FRG1: variants seen among roughly 807,000 people sequenced by gnomAD.
The protein encoded by FRG1 is FSHD region gene 1, also known as protein FRG1.
Under a neutral mutation model 37.0 loss-of-function variants are expected in FRG1, and 19 were observed. The ratio of observed to expected loss-of-function variants is 0.51; its 90% CI spans 0.36 to 0.75. The LOEUF (loss-of-function observed/expected upper bound fraction) is 0.75. Among genes scored for constraint, FRG1 ranks in the 30% least tolerant of loss-of-function variants. The probability of loss-of-function intolerance (pLI) is 0.00; values close to 1 mark genes in which losing one functional copy is unlikely to be tolerated. For synonymous variants in FRG1, 73 were observed against 96.5 expected, an observed-to-expected ratio of 0.76 and a Z score of 1.43; for missense variants, 243 against 301.4, an observed-to-expected ratio of 0.81 and a Z score of 1.44.
chr4:189,963,028 A>G (rs1737301767), intron 8 of FRG1, 65 bp from the exon 9 acceptor site: 16 of 1,043,222 alleles, frequency 1.5e-5, no homozygotes, highest in Non-Finnish European at 2.1e-5. Flanking sequence ...TTTTATATTT[A>G]GTAGCAGTTG....
At chr4:189,957,003 A>G (rs1194896604) in intron 5 of FRG1, among the ~76,000 whole-genome samples, 1 of 152,176 alleles carries the variant, frequency 6.6e-6, no homozygotes, top group Non-Finnish European at 1.5e-5. Flanking sequence ...TCTAATTGTG[A>G]AGAAAATAAA....
chr4:189,963,183 T>C lies in FRG1; in HGVS notation c.*54T>C, dbSNP rs1478313987. On this transcript the variant is annotated 3_prime_UTR_variant, in exon 9 of 9. Coordinates refer to ENST00000226798, the MANE Select transcript of FRG1 (RefSeq NM_004477.3). The stretch of plus-strand genomic sequence containing the variant: ...CTGTGTTTTTTTCTGAATAAAATAT[T>C]CAGAGGAAATGCTTTTACAGAGTTC... 5.6e-6 allele frequency: 8 copies of C among 1,428,092 alleles called. No individual in the cohort carries two copies. Among genetic ancestry groups the C allele is most frequent in the Non-Finnish European group, 6.9e-6 (7 of 1,015,152 alleles). The allele number at this position is 1,428,092 out of a possible 1,614,324, so 88.5% of individuals were successfully genotyped here. A position where few individuals can be genotyped will look rare whatever the true frequency, so the allele number is the denominator to read the frequency against.
At chr4:189,943,648 A>T (rs530568146) in intron 2 of FRG1, among the ~76,000 whole-genome samples, 22 of 152,368 alleles carry the variant, frequency 1.4e-4, no homozygotes, top group Non-Finnish European at 2.8e-4. Context: ...TAAAGGAAGT[A>T]TCTTCACAGG....
chr4:189,961,738 A>G, intron 7 of FRG1, 84 bp from the exon 8 acceptor site: 1 of 646,850 alleles, frequency 1.5e-6, no homozygotes, highest in South Asian at 2.1e-5. Context: ...AGTGAAAAAG[A>G]AATTAACAGT....
intron 2 of FRG1, among the ~76,000 whole-genome samples, chr4:189,944,296 C>A (rs1736436368): frequency 6.6e-6 from 1 of 152,168 alleles, no homozygotes; most frequent in African/African-American, 2.4e-5. Context: ...GCTGCCTCAG[C>A]CTCCCGAGTA....
At chr4:189,947,381 A>G (rs1038951146) in intron 2 of FRG1, among the ~76,000 whole-genome samples, 7 of 152,200 alleles carry the variant, frequency 4.6e-5, no homozygotes, top group Non-Finnish European at 7.3e-5. Context: ...TTTCATTTTC[A>G]TAACATTTTA....
rs533782499 is a variant in FRG1 at position 189,946,523 on chromosome 4, C to T, written c.133+3251C>T. 3.3e-5 allele frequency among the ~76,000 whole-genome samples: 5 copies of T among 151,628 alleles called. No homozygotes were observed. In the East Asian group the frequency reaches 9.7e-4, roughly 30 times the overall value. ...CTCCCTTTAACTTATTTTCAGTTTA[C>T]TTTGCTCTTGTTTTATTGCTTCTTA... On this transcript the variant is annotated intron_variant, in intron 2 of 8. Transcript: ENST00000226798.
At position 189,940,941 on chromosome 4, in the gene FRG1, G is replaced by A. The variant is rs1000419021; in HGVS notation, c.-69G>A. On this transcript the variant is annotated 5_prime_UTR_variant, in exon 1 of 9. The change creates a new upstream start codon in the 5' untranslated region. Transcript: ENST00000226798. ...TCCGCTTCTGTTTCTCCGCGCCCCT[G>A]TGCTGCCCCGACTCACATACTCGTC... 2.3e-6 allele frequency: 3 copies of A among 1,292,078 alleles called. No individual in the cohort carries two copies. The highest frequency in any genetic ancestry group is 1.5e-5 in the African/African-American group (1 of 65,106). The allele number at this position is 1,292,078 out of a possible 1,614,324, so 80.0% of individuals were successfully genotyped here.
chr4:189,961,636 G>A, intron 7 of FRG1, 186 bp from the exon 8 acceptor site: 1 of 427,956 alleles, frequency 2.3e-6, no homozygotes, highest in Admixed American at 4.4e-5. Context: ...TCGAACTCCT[G>A]ACCTTGAGCG....
At chr4:189,956,369 C>A (rs1356663196) in intron 5 of FRG1, among the ~76,000 whole-genome samples, 1 of 151,982 alleles carries the variant, frequency 6.6e-6, no homozygotes, top group Non-Finnish European at 1.5e-5. Context: ...TATCATAAGG[C>A]CTTAGATGAT....
intron 6 of FRG1, among the ~76,000 whole-genome samples, chr4:189,960,169 A>G (rs1737168299): frequency 6.6e-6 from 1 of 152,200 alleles, no homozygotes; most frequent in South Asian, 2.1e-4. Flanking sequence ...TACCATTGCT[A>G]ATTGCCTGTT....
At chr4:189,947,633 CA>C (rs1182585939) in intron 2 of FRG1, among the ~76,000 whole-genome samples, 2 of 152,340 alleles carry the variant, frequency 1.3e-5, no homozygotes, top group Non-Finnish European at 2.9e-5. Flanking sequence ...CTGGCATCTC[CA>C]GTCAGCCCTC....
chr4:189,947,567 C>G (rs1390128975), intron 2 of FRG1, among the ~76,000 whole-genome samples: 1 of 152,186 alleles, frequency 6.6e-6, no homozygotes, highest in Non-Finnish European at 1.5e-5. Context: ...GCCACATGTT[C>G]TAGGTATACT....
chr4:189,951,508 A>C (rs897409167), intron 2 of FRG1, among the ~76,000 whole-genome samples: 69 of 148,340 alleles, frequency 4.7e-4, no homozygotes, highest in Non-Finnish European at 8.8e-4. Context: ...AAAAAAAAAG[A>C]TTGCTATGCT....
intron 1 of FRG1, 71 bp from the exon 2 acceptor site, chr4:189,943,131 G>A (rs1736388152): frequency 2.1e-6 from 3 of 1,449,512 alleles, no homozygotes; most frequent in African/African-American, 1.4e-5. Context: ...AGACTTTCAA[G>A]TTTCAATCTT....
intron 2 of FRG1, among the ~76,000 whole-genome samples, chr4:189,946,311 CAA>C (rs34356772): frequency 2.6e-4 from 27 of 105,580 alleles, no homozygotes; most frequent in Non-Finnish European, 3.2e-4. Context: ...GCTGATAAGC[CAA>C]AAAAAAAAAA....
intron 2 of FRG1, 118 bp from the exon 3 acceptor site, chr4:189,952,044 T>C (rs76758478): frequency 1.5e-6 from 1 of 666,926 alleles, no homozygotes; most frequent in Non-Finnish European, 2.5e-6. Flanking sequence ...GTGAGATCTT[T>C]GTATTATTTC....
At chr4:189,947,376 T>C (rs1276799419) in intron 2 of FRG1, among the ~76,000 whole-genome samples, 1 of 152,250 alleles carries the variant, frequency 6.6e-6, no homozygotes, top group Non-Finnish European at 1.5e-5. Context: ...CAGTCTTTCA[T>C]TTTCATAACA....
At chr4:189,950,177 A>T (rs995338576) in intron 2 of FRG1, among the ~76,000 whole-genome samples, 1 of 152,182 alleles carries the variant, frequency 6.6e-6, no homozygotes. Context: ...CCATTTGTAT[A>T]TCATCTTTGG....
Sources: gnomAD v4.1 joint callset for allele counts (sites outside exome capture counted in the v4.1 genomes callset) on GRCh38, gnomAD v4.1.1 for gene constraint, MANE v1.5 for transcripts, NCBI Gene and HGNC (gene_info 2026-07-23, HGNC 2026-07-21) for gene names.